GALNT13: variants seen among roughly 807,000 people sequenced by gnomAD.
The protein encoded by GALNT13 is polypeptide N-acetylgalactosaminyltransferase 13, also known as UDP-GalNAc:polypeptide N-acetylgalactosaminyltransferase 13.
GALNT13 carries 28 observed loss-of-function variants against 64.2 expected under a neutral mutation model. The observed-to-expected ratio is 0.44, with a 90% CI of 0.32 to 0.60. GALNT13 has a LOEUF of 0.60. Among genes scored for constraint, GALNT13 ranks in the 20% least tolerant of loss-of-function variants. The pLI is 0.05. For missense variants in GALNT13, 577 were observed against 669.8 expected (o/e 0.86, Z 1.53); for synonymous variants, 214 against 224.6 (o/e 0.95, Z 0.42).
chr2:154,034,822 C>A (rs13383990), intron 3 of GALNT13, among the ~76,000 whole-genome samples: 9,283 of 151,988 alleles, frequency 0.061, 585 homozygotes, highest in African/African-American at 0.16. Flanking sequence ...TGCTCAACAC[C>A]GCTAATCACA....
chr2:154,013,560 C>T (rs1696790575), intron 3 of GALNT13, among the ~76,000 whole-genome samples: 1 of 152,052 alleles, frequency 6.6e-6, no homozygotes, highest in Non-Finnish European at 1.5e-5. Flanking sequence ...CAGGGGCGGG[C>T]ACACCGGTGT....
the GALNT13 span, among the ~76,000 whole-genome samples, chr2:153,439,813 T>C: frequency 6.6e-6 from 1 of 152,156 alleles, no homozygotes; most frequent in African/African-American, 2.4e-5. Context: ...CATGGTGCAC[T>C]GCACCCACTG....
chr2:154,322,117 G>C (rs1003794988), intron 9 of GALNT13, among the ~76,000 whole-genome samples: 59 of 70,640 alleles, frequency 8.4e-4, no homozygotes, highest in African/African-American at 2.6e-3. Flanking sequence ...GAAATTTTGA[G>C]TTTGAGTTTA....
chr2:153,428,867 A>T, the GALNT13 span, among the ~76,000 whole-genome samples: 2 of 152,302 alleles, frequency 1.3e-5, no homozygotes, highest in South Asian at 4.1e-4. Flanking sequence ...TGTGGGTTCA[A>T]TCTTCTTCAT....
Position 154,396,049 on chromosome 2 carries a change from G to T in GALNT13, c.1215G>T (p.Leu405=), listed in dbSNP as rs761756475. The change falls in exon 10 of 13, where the codon CTG becomes CTT. Residue 405 remains leucine (L), a synonymous_variant. Transcript: ENST00000392825. ...VSVRKTLREN[L]KCKPFSWYLE... ...TCAGAAAAACACTAAGAGAAAATCTGAAGTGTAAGCCCTTTTCTTGGTACC... is the reference window on the plus strand; with the variant it reads ...TCAGAAAAACACTAAGAGAAAATCTTAAGTGTAAGCCCTTTTCTTGGTACC... 9.9e-6 allele frequency: 16 copies of T among 1,610,916 alleles called. No individual in the cohort carries two copies. In the East Asian group the frequency reaches 3.6e-4, roughly 36 times the overall value.
the GALNT13 span, among the ~76,000 whole-genome samples, chr2:153,082,435 G>A: frequency 4.0e-5 from 6 of 150,946 alleles, no homozygotes; most frequent in African/African-American, 1.2e-4. Flanking sequence ...ACATCACTTC[G>A]AATAATATTC....
chr2:154,417,620 C>T (rs975006852), intron 11 of GALNT13, among the ~76,000 whole-genome samples: 1 of 151,416 alleles, frequency 6.6e-6, no homozygotes, highest in Admixed American at 6.6e-5. Context: ...AAGTGATTCT[C>T]CTACCTCAGC....
chr2:153,273,127 CAG>C, the GALNT13 span, among the ~76,000 whole-genome samples: 518 of 152,140 alleles, frequency 3.4e-3, 3 homozygotes, highest in African/African-American at 0.012. Context: ...CGGGGCCTGT[CAG>C]GGGGTGAGGG....
At chr2:153,637,426 T>C in the GALNT13 span, among the ~76,000 whole-genome samples, 2 of 152,142 alleles carry the variant, frequency 1.3e-5, no homozygotes, top group Non-Finnish European at 2.9e-5. Flanking sequence ...TTTTGTTTTT[T>C]CTTCAGTTAT....
chr2:154,420,366 A>G (rs1424876980), intron 11 of GALNT13, among the ~76,000 whole-genome samples: 1 of 152,038 alleles, frequency 6.6e-6, no homozygotes, highest in African/African-American at 2.4e-5. Context: ...GTCTCCATTA[A>G]ACTAGATATT....
intron 3 of GALNT13, among the ~76,000 whole-genome samples, chr2:153,988,242 C>A (rs1384724915): frequency 6.6e-6 from 1 of 151,848 alleles, no homozygotes; most frequent in African/African-American, 2.4e-5. Flanking sequence ...CTATAGTCAT[C>A]CTGCTGTACA....
In GALNT13 at chr2:154,438,578, A is replaced by G. The variant is rs1172427945; in HGVS notation, c.1396-14A>G. The G allele has an allele frequency of 6.3e-7, 1 of 1,598,212 alleles. No individual in the cohort carries two copies. The highest frequency in any genetic ancestry group is 2.2e-5 in the East Asian group (1 of 44,706). ...AACATACATTTTTTTTATTAGCTGAATTTATATTTTCAGGTATTTTCTTAC... is the reference window on the plus strand; with the variant it reads ...AACATACATTTTTTTTATTAGCTGAGTTTATATTTTCAGGTATTTTCTTAC... On this transcript the variant is annotated splice_polypyrimidine_tract_variant and intron_variant, in intron 11 of 12. Coordinates refer to ENST00000392825, the MANE Select transcript of GALNT13 (RefSeq NM_052917.4).
the GALNT13 span, among the ~76,000 whole-genome samples, chr2:153,095,117 G>A: frequency 6.6e-6 from 1 of 152,098 alleles, no homozygotes; most frequent in Admixed American, 6.6e-5. Flanking sequence ...CAGAATGGGA[G>A]AAAATTTTTG....
At chr2:153,709,637 T>C in the GALNT13 span, among the ~76,000 whole-genome samples, 1 of 152,024 alleles carries the variant, frequency 6.6e-6, no homozygotes, top group Non-Finnish European at 1.5e-5. Context: ...ATCTCACTTT[T>C]GGGTATTTAC....
chr2:153,531,448 C>A, the GALNT13 span, among the ~76,000 whole-genome samples: 1 of 152,082 alleles, frequency 6.6e-6, no homozygotes, highest in Admixed American at 6.5e-5. Flanking sequence ...GAAACTGCCC[C>A]CATGGTCTGA....
chr2:154,010,026 C>A (rs1225206531), intron 3 of GALNT13, among the ~76,000 whole-genome samples: 1 of 152,086 alleles, frequency 6.6e-6, no homozygotes, highest in Non-Finnish European at 1.5e-5. Context: ...TGAAATTTTG[C>A]TAAAGTGTTT....
At chr2:154,264,881 A>C (rs1394764167) in intron 8 of GALNT13, among the ~76,000 whole-genome samples, 2 of 151,758 alleles carry the variant, frequency 1.3e-5, no homozygotes, top group Non-Finnish European at 2.9e-5. Flanking sequence ...AAAGTATCTA[A>C]GAAAAAGGAA....
chr2:153,675,967 G>T, the GALNT13 span, among the ~76,000 whole-genome samples: 73 of 151,912 alleles, frequency 4.8e-4, no homozygotes, highest in Non-Finnish European at 3.7e-4. Context: ...TAGAAAAACA[G>T]GAGCAAATCA....
the GALNT13 span, among the ~76,000 whole-genome samples, chr2:153,069,332 A>G: frequency 6.6e-6 from 1 of 152,138 alleles, no homozygotes; most frequent in Non-Finnish European, 1.5e-5. Flanking sequence ...ACTTAAGCAG[A>G]TTCTTTTTTT....
Sources: allele counts gnomAD v4.1 joint callset (sites outside exome capture counted in the v4.1 genomes callset), GRCh38; gene constraint gnomAD v4.1.1; transcripts MANE v1.5; gene names NCBI Gene and HGNC (gene_info 2026-07-23, HGNC 2026-07-21).